PTN: variants seen among roughly 807,000 people sequenced by gnomAD.
PTN encodes pleiotrophin.
A neutral mutation model predicts 24.1 loss-of-function variants in PTN; 18 were observed. The ratio of observed to expected loss-of-function variants is 0.75; its 90% CI spans 0.52 to 1.11. The LOEUF (loss-of-function observed/expected upper bound fraction) is 1.11, where lower values mean the gene tolerates loss of function less well. Among genes scored for constraint, PTN ranks in the 50% least tolerant of loss-of-function variants. The pLI is 0.00. For missense variants in PTN, 163 were observed against 198.8 expected (o/e 0.82, Z 1.08); for synonymous variants, 78 against 68.6 (o/e 1.14, Z -0.67).
intron 1 of PTN, among the ~76,000 whole-genome samples, chr7:137,264,079 A>C (rs1342010211): frequency 1.3e-5 from 2 of 152,168 alleles, no homozygotes; most frequent in Non-Finnish European, 2.9e-5. Context: ...AGAACCTAGA[A>C]ATGATCAGGG....
intron 1 of PTN, among the ~76,000 whole-genome samples, chr7:137,340,939 A>C (rs2128884278): frequency 6.6e-6 from 1 of 152,278 alleles, no homozygotes; most frequent in African/African-American, 2.4e-5. Context: ...TAAAAAGCAT[A>C]ATTCTTTAGA....
At chr7:137,325,316 G>A (rs1166844168) in intron 1 of PTN, 1 of 152,122 alleles carries the variant, frequency 6.6e-6, no homozygotes. Flanking sequence ...TTTTAGCAAA[G>A]CTGAAAAAAT....
intron 1 of PTN, among the ~76,000 whole-genome samples, chr7:137,265,642 T>C (rs1180489527): frequency 6.6e-6 from 1 of 152,216 alleles, no homozygotes; most frequent in Non-Finnish European, 1.5e-5. Context: ...ATCCAGGCTG[T>C]AGAATCCTGG....
intron 1 of PTN, among the ~76,000 whole-genome samples, chr7:137,328,108 C>T (rs1810291840): frequency 6.6e-6 from 1 of 152,130 alleles, no homozygotes; most frequent in Admixed American, 6.5e-5. Flanking sequence ...TGTAGAATTA[C>T]AGTTACAGTT....
At chr7:137,267,872 A>G (rs1437991065) in intron 1 of PTN, among the ~76,000 whole-genome samples, 1 of 152,192 alleles carries the variant, frequency 6.6e-6, no homozygotes, top group Non-Finnish European at 1.5e-5. Context: ...AAAACAAAAA[A>G]CAAAGTGCCG....
chr7:137,234,329 T>C (rs1808482336), intron 4 of PTN, among the ~76,000 whole-genome samples: 1 of 152,004 alleles, frequency 6.6e-6, no homozygotes, highest in African/African-American at 2.4e-5. Context: ...AATTTTGCCT[T>C]AGTATAGATT....
chr7:137,340,569 A>G (rs1490469887), intron 1 of PTN, among the ~76,000 whole-genome samples: 1 of 152,210 alleles, frequency 6.6e-6, no homozygotes, highest in Non-Finnish European at 1.5e-5. Flanking sequence ...CCCAGCTCAT[A>G]AAAAGAAGGT....
intron 1 of PTN, among the ~76,000 whole-genome samples, chr7:137,335,961 T>G (rs1376896929): frequency 6.6e-6 from 1 of 151,750 alleles, no homozygotes; most frequent in Non-Finnish European, 1.5e-5. Flanking sequence ...GACTCATTTC[T>G]TTTTCTTCAT....
intron 4 of PTN, among the ~76,000 whole-genome samples, chr7:137,240,346 A>G (rs937957162): frequency 2.0e-5 from 3 of 152,142 alleles, no homozygotes; most frequent in Admixed American, 6.6e-5. Flanking sequence ...TGAATACATT[A>G]GAAACAATGC....
chr7:137,343,191 C>T (rs1021792415), intron 1 of PTN, among the ~76,000 whole-genome samples: 21 of 152,160 alleles, frequency 1.4e-4, no homozygotes, highest in Non-Finnish European at 2.5e-4. Flanking sequence ...ACATGCTTAA[C>T]ATCACAAAAA....
chr7:137,324,404 G>A lies in PTN; in HGVS notation c.-2+19035C>T, dbSNP rs1467310810. The stretch of plus-strand genomic sequence containing the variant: ...TGCACTCCAGCCTGGGCAGCACAGC[G>A]AGACCCTGTCTCTAAAAAAAAAAAA... On this transcript the variant is annotated intron_variant, in intron 1 of 4. Coordinates refer to ENST00000348225, the MANE Select transcript of PTN (RefSeq NM_002825.7). Among the ~76,000 whole-genome samples, 6 of 104,920 alleles carry A rather than the reference G, an allele frequency of 5.7e-5. No individual in the cohort carries two copies. In the East Asian group the frequency reaches 1.2e-3, roughly 21 times the overall value. 68.8% of individuals were successfully genotyped at this position (104,920 alleles called of 152,430 possible). A position where few individuals can be genotyped will look rare whatever the true frequency, so the allele number is the denominator to read the frequency against.
intron 1 of PTN, among the ~76,000 whole-genome samples, chr7:137,320,858 T>C (rs1361843111): frequency 6.6e-6 from 1 of 152,162 alleles, no homozygotes; most frequent in Admixed American, 6.6e-5. Context: ...CAGGATACCT[T>C]GTCATTCTTC....
At chr7:137,290,599 C>T (rs1478730777) in intron 1 of PTN, among the ~76,000 whole-genome samples, 1 of 151,926 alleles carries the variant, frequency 6.6e-6, no homozygotes, top group Admixed American at 6.6e-5. Flanking sequence ...ATCACCTGGA[C>T]CTTATTATAA....
At chr7:137,312,032 C>T (rs766980311) in intron 1 of PTN, among the ~76,000 whole-genome samples, 1 of 152,116 alleles carries the variant, frequency 6.6e-6, no homozygotes, top group Non-Finnish European at 1.5e-5. Context: ...ATCAATGGAC[C>T]ATGTCATACA....
rs1294297193 is a variant in PTN at position 137,319,088 on chromosome 7, C to G, written c.-2+24351G>C. Among the ~76,000 whole-genome samples the G allele has an allele frequency of 2.0e-5, 3 of 152,188 alleles. No homozygotes were observed. In the East Asian group the frequency reaches 5.8e-4, roughly 29 times the overall value. ...GTCCGCCTAAAAAGACCTAAGCTCTCTAGTTCAACAGACACCACATCGTCG... is the reference window on the plus strand; with the variant it reads ...GTCCGCCTAAAAAGACCTAAGCTCTGTAGTTCAACAGACACCACATCGTCG... On this transcript the variant is annotated intron_variant, in intron 1 of 4. Transcript: ENST00000348225.
chr7:137,340,491 A>G (rs1215671287), intron 1 of PTN, among the ~76,000 whole-genome samples: 2 of 152,202 alleles, frequency 1.3e-5, no homozygotes, highest in East Asian at 3.9e-4. Context: ...AGAAGGAAAA[A>G]CAACTTTCCA....
intron 1 of PTN, among the ~76,000 whole-genome samples, chr7:137,269,199 T>C (rs1809221012): frequency 6.6e-6 from 1 of 152,260 alleles, no homozygotes; most frequent in Non-Finnish European, 1.5e-5. Flanking sequence ...ACATGGTATC[T>C]AACTTTCTGA....
At chr7:137,258,734 C>T (rs1307085332) in intron 1 of PTN, among the ~76,000 whole-genome samples, 1 of 152,032 alleles carries the variant, frequency 6.6e-6, no homozygotes, top group East Asian at 1.9e-4. Flanking sequence ...GTTGCCCTTG[C>T]TTGTGATATT....
At chr7:137,256,183 T>A (rs1025873665) in intron 1 of PTN, among the ~76,000 whole-genome samples, 5 of 152,182 alleles carry the variant, frequency 3.3e-5, no homozygotes, top group African/African-American at 7.2e-5. Context: ...AGTGTTTTTT[T>A]AAATTTATTT....
Sources: allele counts gnomAD v4.1 joint callset (sites outside exome capture counted in the v4.1 genomes callset), GRCh38; gene constraint gnomAD v4.1.1; transcripts MANE v1.5; gene names NCBI Gene and HGNC (gene_info 2026-07-23, HGNC 2026-07-21).